ABCA4: variants seen among roughly 807,000 people sequenced by gnomAD.
The protein encoded by ABCA4 is retinal-specific phospholipid-transporting ATPase ABCA4.
A neutral mutation model predicts 263.7 loss-of-function variants in ABCA4; 196 were observed. That is an observed-to-expected ratio of 0.74 (90% CI 0.66 to 0.84). The LOEUF (loss-of-function observed/expected upper bound fraction) is 0.84, where lower values mean the gene tolerates loss of function less well. ABCA4 is among the 40% of genes least tolerant of loss of function. The pLI is 0.00. For synonymous variants in ABCA4, 1,133 were observed against 1,094.2 expected, an observed-to-expected ratio of 1.04 and a Z score of -0.70; for missense variants, 2,792 against 2,855.1, an observed-to-expected ratio of 0.98 and a Z score of 0.50.
chr1:94,109,826 G>T (rs183728361), intron 3 of ABCA4, among the ~76,000 whole-genome samples: 1 of 152,182 alleles, frequency 6.6e-6, no homozygotes, highest in African/African-American at 2.4e-5. Context: ...ATGGGTTTCC[G>T]TGCCTTGCAA....
rs980043966 is a variant in ABCA4, at chr1:94,121,148, C to T, written c.-103G>A. ...CGCCTCTGGCTCCGGACGCTGTGTC[C>T]TTCTCCTGGTGATTAAAGGCTACTT... On this transcript the variant is annotated 5_prime_UTR_variant, in exon 1 of 50. Transcript: ENST00000370225. 5.0e-6 allele frequency: 5 copies of T among 1,008,370 alleles called. No individual in the cohort carries two copies. Among genetic ancestry groups the T allele is most frequent in the African/African-American group, 1.6e-5 (1 of 63,252 alleles). The allele number at this position is 1,008,370 out of a possible 1,614,324, so 62.5% of individuals were successfully genotyped here.
At chr1:93,996,763 A>C (rs556009877) in intron 48 of ABCA4, among the ~76,000 whole-genome samples, 1 of 152,388 alleles carries the variant, frequency 6.6e-6, no homozygotes, top group Non-Finnish European at 1.5e-5. Context: ...TGGATGAACA[A>C]AATGTAGCAC....
Position 93,996,099 on chromosome 1 carries a change from G to GC in ABCA4, c.6816+9dup. 1.9e-6 allele frequency: 3 copies of GC among 1,613,186 alleles called. No homozygotes were observed. Among genetic ancestry groups the GC allele is most frequent in the Non-Finnish European group, 1.7e-6 (2 of 1,179,484 alleles). ...CCTCAAGCTGTGGACTGCATAAGCA[G>GC]CAGGGGTACCTGGGCTTGTCGACTG... On this transcript the variant is annotated intron_variant, in intron 49 of 49. Coordinates refer to ENST00000370225, the MANE Select transcript of ABCA4 (RefSeq NM_000350.3).
chr1:94,034,915 A>C (rs539583177), intron 26 of ABCA4, among the ~76,000 whole-genome samples: 1 of 152,326 alleles, frequency 6.6e-6, no homozygotes, highest in East Asian at 1.9e-4. Flanking sequence ...TAACTCACTT[A>C]ATTCTCTCAA....
chr1:94,117,003 TTTC>T, intron 1 of ABCA4, among the ~76,000 whole-genome samples: 1 of 118,872 alleles, frequency 8.4e-6, no homozygotes, highest in Non-Finnish European at 1.9e-5. Flanking sequence ...TCTTTCTTTC[TTTC>T]TTTCTTTCTT....
In ABCA4 at chr1:94,056,728, C is replaced by T; in HGVS notation, c.2255G>A (p.Ser752Asn). 1.2e-6 allele frequency: 2 copies of T among 1,614,010 alleles called. No individual in the cohort carries two copies. Among genetic ancestry groups the T allele is most frequent in the South Asian group, 2.2e-5 (2 of 91,046 alleles). The change falls in exon 15 of 50, where the codon AGC becomes AAC. Residue 752 changes from serine to asparagine, a missense_variant. Transcript: ENST00000370225. ...CAGACTGGCCTTGGAGAAGAAGGTG[C>T]TGAGCAGAAAGCACAGCATGATGGT... ...TATIMLCFLL[S>N]TFFSKASLAA... is the part of the protein sequence containing the mutation.
chr1:94,029,446 T>C lies in ABCA4; in HGVS notation c.4538A>G (p.Gln1513Arg), dbSNP rs281865402. ...CCCCGTTGTTTGGAGGTCAGGTACC[T>C]GGGGGGGCGGGAGGCCCCCGGCACC... is the stretch of plus-strand genomic sequence containing the variant. ...PEGAGGLPPP[Q>R]RTQRSTEILQ... Residue 1513 changes from glutamine (Q) to arginine (R), a missense_variant and splice_region_variant, in exon 30 of 50, where the codon CAG becomes CGG. By Grantham distance (43) the Gln-to-Arg change is conservative. Transcript: ENST00000370225. The C allele has an allele frequency of 1.9e-6, 3 of 1,549,558 alleles. No individual in the cohort carries two copies. The African/African-American group carries it at 4.1e-5, about 21-fold the overall frequency.
intron 6 of ABCA4, among the ~76,000 whole-genome samples, chr1:94,087,747 TACTC>T (rs1361781079): frequency 2.0e-5 from 3 of 152,224 alleles, no homozygotes; most frequent in South Asian, 2.1e-4. Context: ...TGACTTTTGT[TACTC>T]ACAGCCAGGT....
chr1:94,029,353 T>G, intron 30 of ABCA4, 92 bp downstream of exon 30: 19 of 1,208,106 alleles, frequency 1.6e-5, no homozygotes, highest in South Asian at 3.2e-5. Flanking sequence ...GTTTGAAATG[T>G]TAGTTTGTGA....
chr1:94,051,726 A>C, intron 16 of ABCA4, 28 bp from the exon 17 acceptor site: 1 of 1,565,934 alleles, frequency 6.4e-7, no homozygotes, highest in African/African-American at 1.4e-5. Flanking sequence ...TAAACAGAGA[A>C]AGTCGAAGGA....
intron 6 of ABCA4, among the ~76,000 whole-genome samples, chr1:94,095,103 C>A (rs908622240): frequency 6.6e-6 from 1 of 152,142 alleles, no homozygotes; most frequent in African/African-American, 2.4e-5. Flanking sequence ...CGCAAGTGAG[C>A]GTGTGCGATA....
chr1:94,019,547 C>A (rs367787196), intron 36 of ABCA4, 35 bp downstream of exon 36: 13 of 1,566,928 alleles, frequency 8.3e-6, no homozygotes, highest in East Asian at 7.1e-5. Flanking sequence ...CTTGGGCCCA[C>A]GGAGGGGAGG....
intron 1 of ABCA4, among the ~76,000 whole-genome samples, chr1:94,115,216 C>T (rs1407609179): frequency 6.6e-6 from 1 of 152,206 alleles, no homozygotes; most frequent in African/African-American, 2.4e-5. Flanking sequence ...CCAGTGTCTT[C>T]ACCAAAGAAA....
At chr1:94,063,053 C>T in intron 12 of ABCA4, 59 bp downstream of exon 12, 3 of 1,497,118 alleles carry the variant, frequency 2.0e-6, no homozygotes, top group Admixed American at 1.7e-5. Flanking sequence ...TTTCTCTCTA[C>T]CAAATGTAAT....
chr1:94,080,650 T>C lies in ABCA4; in HGVS notation c.927A>G (p.Pro309=), dbSNP rs1661668736. Reference sequence around the variant, plus strand: ...TGCCCATCAGCTTTGTAAAGGTCTCTGGACCACCATTCTGCATGAGGGGCC... The same window carrying C: ...TGCCCATCAGCTTTGTAAAGGTCTCCGGACCACCATTCTGCATGAGGGGCC... ...VTRPLMQNGG[P]ETFTKLMGIL... is the part of the protein sequence containing the mutation. Residue 309 remains proline, a synonymous_variant, in exon 8 of 50, where the codon CCA becomes CCG. Transcript: ENST00000370225. 1 of 1,614,024 alleles carries C rather than the reference T, an allele frequency of 6.2e-7. No homozygotes were observed.
chr1:94,006,215 G>A (rs1032280163), intron 43 of ABCA4, among the ~76,000 whole-genome samples: 5 of 152,180 alleles, frequency 3.3e-5, no homozygotes, highest in Non-Finnish European at 7.3e-5. Context: ...ATGAATAAAG[G>A]ATGGATGATA....
chr1:94,027,372 G>A (rs973241556), intron 30 of ABCA4, among the ~76,000 whole-genome samples: 6 of 152,192 alleles, frequency 3.9e-5, no homozygotes, highest in African/African-American at 1.4e-4. Flanking sequence ...CCCTGGCCAA[G>A]AGCTCAGGGT....
intron 37 of ABCA4, 74 bp downstream of exon 37, chr1:94,015,665 G>T: frequency 1.6e-6 from 2 of 1,284,978 alleles, no homozygotes; most frequent in Non-Finnish European, 2.2e-6. Flanking sequence ...CAGGTTTTCT[G>T]TCAGGAGATG....
chr1:94,109,644 A>T (rs1421902759), intron 3 of ABCA4, among the ~76,000 whole-genome samples: 6 of 152,186 alleles, frequency 3.9e-5, no homozygotes. Flanking sequence ...AATGGAGTAG[A>T]TACAGAGGCC....
Sources: gnomAD v4.1 joint callset for allele counts (sites outside exome capture counted in the v4.1 genomes callset) on GRCh38, gnomAD v4.1.1 for gene constraint, MANE v1.5 for transcripts, NCBI Gene and HGNC (gene_info 2026-07-23, HGNC 2026-07-21) for gene names.